Variants in CDH13 observed in about 807,000 individuals in gnomAD.
CDH13 encodes the protein cadherin-13.
A neutral mutation model predicts 63.8 loss-of-function variants in CDH13; 24 were observed. The ratio of observed to expected loss-of-function variants is 0.38; its 90% CI spans 0.27 to 0.53. CDH13 has a LOEUF of 0.53. Ranked by LOEUF, CDH13 falls within the 20% of genes least tolerant of loss-of-function variation. The pLI, the probability that CDH13 is intolerant of heterozygous loss-of-function variation, is 0.85. For synonymous variants in CDH13, 503 were observed against 355.3 expected (o/e 1.42, Z -4.67); for missense variants, 1,049 against 903.1 (o/e 1.16, Z -2.07).
intron 6 of CDH13, among the ~76,000 whole-genome samples, chr16:83,411,303 C>G (rs907925947): frequency 2.6e-5 from 4 of 152,160 alleles, no homozygotes; most frequent in African/African-American, 9.7e-5. Flanking sequence ...ATTAGCATCC[C>G]CCTTTACTGT....
intron 5 of CDH13, among the ~76,000 whole-genome samples, chr16:83,288,884 G>C (rs559365588): frequency 6.6e-6 from 1 of 152,210 alleles, no homozygotes; most frequent in African/African-American, 2.4e-5. Flanking sequence ...AAAGACAGTG[G>C]TATTTGCATC....
At chr16:83,525,142 C>G (rs141322909) in intron 7 of CDH13, among the ~76,000 whole-genome samples, 1 of 152,150 alleles carries the variant, frequency 6.6e-6, no homozygotes, top group South Asian at 2.1e-4. Context: ...GGGACAGACT[C>G]CAGTTGGCTC....
chr16:83,446,810 C>T (rs1177633841), intron 6 of CDH13, among the ~76,000 whole-genome samples: 1 of 152,026 alleles, frequency 6.6e-6, no homozygotes, highest in Non-Finnish European at 1.5e-5. Context: ...TTAAGGAGTA[C>T]ATGTAACAAA....
At chr16:83,180,320 C>A (rs912075710) in intron 4 of CDH13, among the ~76,000 whole-genome samples, 13 of 151,814 alleles carry the variant, frequency 8.6e-5, no homozygotes, top group Non-Finnish European at 1.9e-4. Flanking sequence ...CAGTTAAGAT[C>A]AGACGATGGA....
intron 1 of CDH13, among the ~76,000 whole-genome samples, chr16:82,803,058 T>A (rs904768690): frequency 2.0e-5 from 3 of 152,172 alleles, no homozygotes; most frequent in African/African-American, 4.8e-5. Context: ...TGCCAGGCCA[T>A]GGGATTTAGA....
chr16:83,058,615 G>A (rs763807758), intron 3 of CDH13, among the ~76,000 whole-genome samples: 11 of 152,186 alleles, frequency 7.2e-5, no homozygotes, highest in Non-Finnish European at 1.3e-4. Flanking sequence ...TGACCACACA[G>A]GAAGAAAACA....
chr16:82,794,987 T>C (rs2036512890), intron 1 of CDH13, among the ~76,000 whole-genome samples: 1 of 152,180 alleles, frequency 6.6e-6, no homozygotes. Context: ...TGAGAGATTC[T>C]GAAGAGAAGC....
At chr16:82,952,005 A>G (rs184268908) in intron 2 of CDH13, among the ~76,000 whole-genome samples, 18 of 152,304 alleles carry the variant, frequency 1.2e-4, no homozygotes, top group East Asian at 1.2e-3. Flanking sequence ...TCACTTGGCT[A>G]TACGCTTCAC....
At chr16:82,925,038 A>G (rs948154225) in intron 2 of CDH13, among the ~76,000 whole-genome samples, 15 of 152,116 alleles carry the variant, frequency 9.9e-5, no homozygotes, top group Admixed American at 9.8e-4. Flanking sequence ...TCCAGTCTTT[A>G]TTTTTCTTCC....
intron 10 of CDH13, among the ~76,000 whole-genome samples, chr16:83,702,353 C>T (rs899327788): frequency 3.9e-5 from 6 of 152,296 alleles, no homozygotes; most frequent in Admixed American, 3.3e-4. Context: ...TACAGTCGAA[C>T]TGCAGATGGT....
At position 82,988,238 on chromosome 16, in the gene CDH13, G is replaced by A. The variant is rs372549474; in HGVS notation, c.158-43772G>A. ...CATGTATGTAAGAGCACGCACACAC[G>A]TGTTCTTTTTAATATAAAGAAATGC... is the stretch of plus-strand genomic sequence containing the variant. On this transcript the variant is annotated intron_variant, in intron 2 of 13. Transcript: ENST00000567109. 2.0e-4 allele frequency among the ~76,000 whole-genome samples: 30 copies of A among 152,286 alleles called. No individual in the cohort carries two copies. In the South Asian group the frequency reaches 5.0e-3, roughly 25 times the overall value.
chr16:83,118,626 A>T (rs2035422288), intron 3 of CDH13, among the ~76,000 whole-genome samples: 1 of 151,814 alleles, frequency 6.6e-6, no homozygotes, highest in Non-Finnish European at 1.5e-5. Context: ...TGTTAATAAG[A>T]CTCATCCTTC....
rs553601237 is a variant in CDH13 at position 83,732,373 on chromosome 16, C to T, written c.1539-15735C>T. Among the ~76,000 whole-genome samples the T allele has an allele frequency of 2.0e-3, 311 of 152,138 alleles. 2 individuals carry two copies. Among genetic ancestry groups the T allele is most frequent in the African/African-American group, 7.3e-3 (301 of 41,496 alleles). On this transcript the variant is annotated intron_variant, in intron 10 of 13. Transcript: ENST00000567109. ...CCAACAGCTAATGCAAAGGCTGGGA[C>T]GATGGGAGAGCCTGGCTAGCTTTGG...
chr16:83,191,458 A>AATATAT lies in CDH13; in HGVS notation c.484-25862_484-25857dup, dbSNP rs57044100. ...CTTTAGAAGGACAGAACTAATAGGA[A>AATATAT]ATATATATATATATATATATATATA... On this transcript the variant is annotated intron_variant, in intron 4 of 13. Transcript: ENST00000567109. Among the ~76,000 whole-genome samples, 482 of 80,518 alleles carry AATATAT rather than the reference A, an allele frequency of 6.0e-3. 5 individuals are homozygous for AATATAT. Among genetic ancestry groups the AATATAT allele is most frequent in the South Asian group, 0.018 (40 of 2,226 alleles). The allele number at this position is 80,518 out of a possible 152,430, so 52.8% of individuals were successfully genotyped here.
intron 8 of CDH13, among the ~76,000 whole-genome samples, chr16:83,605,610 C>G (rs550825859): frequency 6.6e-6 from 1 of 152,206 alleles, no homozygotes; most frequent in East Asian, 1.9e-4. Context: ...TAGTGCCTGT[C>G]GCCCAGTATT....
At chr16:83,281,065 T>C (rs888853731) in intron 5 of CDH13, among the ~76,000 whole-genome samples, 6 of 152,200 alleles carry the variant, frequency 3.9e-5, no homozygotes, top group African/African-American at 7.2e-5. Context: ...CTTTGAAGTT[T>C]TGAAGCCAGG....
At chr16:82,714,852 A>C (rs1274433423) in intron 1 of CDH13, among the ~76,000 whole-genome samples, 1 of 142,978 alleles carries the variant, frequency 7.0e-6, no homozygotes, top group African/African-American at 2.6e-5. Flanking sequence ...CTAAGAGAAC[A>C]GCATGAAACA....
At chr16:82,840,346 G>A (rs943589310) in intron 1 of CDH13, among the ~76,000 whole-genome samples, 4 of 150,872 alleles carry the variant, frequency 2.7e-5, no homozygotes, top group African/African-American at 9.8e-5. Flanking sequence ...CTTCAAACAA[G>A]TGGGCTAAAG....
intron 4 of CDH13, among the ~76,000 whole-genome samples, chr16:83,164,508 G>T (rs563422597): frequency 1.3e-5 from 2 of 151,978 alleles, no homozygotes; most frequent in African/African-American, 2.4e-5. Flanking sequence ...ATCTCCTGAG[G>T]TCAGGGGTTC....
Sources: allele counts gnomAD v4.1 joint callset (sites outside exome capture counted in the v4.1 genomes callset), GRCh38; gene constraint gnomAD v4.1.1; transcripts MANE v1.5; gene names NCBI Gene and HGNC (gene_info 2026-07-23, HGNC 2026-07-21).